Variants in TMEM135 observed in about 807,000 individuals in gnomAD.
TMEM135 encodes transmembrane protein 135, also known as peroxisomal membrane protein 52.
Under a neutral mutation model 60.3 loss-of-function variants are expected in TMEM135, and 30 were observed. The ratio of observed to expected loss-of-function variants is 0.50; its 90% confidence interval spans 0.37 to 0.68. The LOEUF is 0.68. Among genes scored for constraint, TMEM135 ranks in the 30% least tolerant of loss-of-function variants. TMEM135 has a pLI of 0.00. For synonymous variants in TMEM135, 190 were observed against 186.7 expected, an observed-to-expected ratio of 1.02 and a Z score of -0.14; for missense variants, 468 against 548.8, an observed-to-expected ratio of 0.85 and a Z score of 1.47.
intron 6 of TMEM135, among the ~76,000 whole-genome samples, chr11:87,273,775 A>T (rs1021765309): frequency 1.3e-5 from 2 of 152,222 alleles, no homozygotes; most frequent in Non-Finnish European, 2.9e-5. Flanking sequence ...TCTTTATAAT[A>T]AATCTTTTAA....
chr11:87,173,934 ACTTGATGTGTACTACTCAAC>A (rs1464757727), intron 5 of TMEM135, among the ~76,000 whole-genome samples: 1 of 152,134 alleles, frequency 6.6e-6, no homozygotes, highest in African/African-American at 2.4e-5. Flanking sequence ...TTAATCACAA[ACTTGATGTGTACTACTCAAC>A]CAAATTCTGC....
Position 87,166,132 on chromosome 11 carries a change from T to G in TMEM135, c.462+8726T>G, listed in dbSNP as rs563669935. Among the ~76,000 whole-genome samples, 52 of 151,792 alleles carry G rather than the reference T, an allele frequency of 3.4e-4. 1 individual carries two copies. Among genetic ancestry groups the G allele is most frequent in the Non-Finnish European group, 7.1e-4 (48 of 67,978 alleles). Reference sequence around the variant, plus strand: ...CAACCAAATGTCTTCTTTTGAGAAGTGTCTGTTCATGTCCTTTGGCCACTT... The same window carrying G: ...CAACCAAATGTCTTCTTTTGAGAAGGGTCTGTTCATGTCCTTTGGCCACTT... On this transcript the variant is annotated intron_variant, in intron 5 of 14. Coordinates refer to ENST00000305494, the MANE Select transcript of TMEM135 (RefSeq NM_022918.4).
intron 4 of TMEM135, among the ~76,000 whole-genome samples, chr11:87,112,512 C>T (rs548803230): frequency 1.3e-5 from 2 of 152,078 alleles, no homozygotes; most frequent in African/African-American, 4.8e-5. Flanking sequence ...AAAACAGAAG[C>T]GAAGAACGGT....
At chr11:87,123,264 C>G (rs887646013) in intron 4 of TMEM135, among the ~76,000 whole-genome samples, 1 of 115,422 alleles carries the variant, frequency 8.7e-6, no homozygotes, top group Admixed American at 1.0e-4. Flanking sequence ...GTTGGCAGAG[C>G]TATGCTCCTG....
At chr11:87,292,104 C>T (rs150091975) in intron 6 of TMEM135, among the ~76,000 whole-genome samples, 27 of 152,052 alleles carry the variant, frequency 1.8e-4, no homozygotes, top group African/African-American at 6.3e-4. Flanking sequence ...GAAATGCTCT[C>T]CCCTCTACTC....
At chr11:87,038,995 A>G (rs1949728699) in intron 1 of TMEM135, among the ~76,000 whole-genome samples, 1 of 152,168 alleles carries the variant, frequency 6.6e-6, no homozygotes, top group Admixed American at 6.5e-5. Flanking sequence ...AAGATTTATT[A>G]TTACTTTGGC....
chr11:87,146,418 C>T (rs1276948676), intron 4 of TMEM135, among the ~76,000 whole-genome samples: 1 of 152,088 alleles, frequency 6.6e-6, no homozygotes, highest in Non-Finnish European at 1.5e-5. Flanking sequence ...GGGAGTAGTG[C>T]ATCACCATGC....
At chr11:87,188,962 A>AT (rs1939720921) in intron 5 of TMEM135, among the ~76,000 whole-genome samples, 1 of 151,952 alleles carries the variant, frequency 6.6e-6, no homozygotes, top group Non-Finnish European at 1.5e-5. Context: ...TAATTATTCC[A>AT]TAGTATAGTT....
chr11:87,229,976 A>G (rs1940856518), intron 5 of TMEM135, among the ~76,000 whole-genome samples: 1 of 152,048 alleles, frequency 6.6e-6, no homozygotes, highest in African/African-American at 2.4e-5. Context: ...AGTTTAATAT[A>G]TCAGTTTCGT....
intron 5 of TMEM135, among the ~76,000 whole-genome samples, chr11:87,236,159 C>T (rs187939533): frequency 9.3e-4 from 141 of 151,328 alleles, no homozygotes; most frequent in African/African-American, 3.1e-3. Flanking sequence ...ACCCTGTTAC[C>T]CTTCTATCCC....
intron 4 of TMEM135, among the ~76,000 whole-genome samples, chr11:87,138,766 C>T (rs12283210): frequency 0.13 from 19,565 of 152,140 alleles, 1,330 homozygotes; most frequent in Middle Eastern, 0.15. Flanking sequence ...AACACAGGTG[C>T]AAGAGCACTC....
chr11:87,135,174 C>T (rs1938054822), intron 4 of TMEM135, among the ~76,000 whole-genome samples: 1 of 151,706 alleles, frequency 6.6e-6, no homozygotes, highest in Admixed American at 6.6e-5. Flanking sequence ...AATTTTTTTC[C>T]ATACTGTGGC....
chr11:87,110,813 G>T lies in TMEM135; in HGVS notation c.396+19418G>T, dbSNP rs577535124. On this transcript the variant is annotated intron_variant, in intron 4 of 14. Coordinates refer to ENST00000305494, the MANE Select transcript of TMEM135 (RefSeq NM_022918.4). ...GTGATGAATAAATGAATAATTCAGG[G>T]TCAATAAAAAATTGCATACTTTTAA... is the stretch of plus-strand genomic sequence containing the variant. Among the ~76,000 whole-genome samples the T allele has an allele frequency of 5.3e-5, 8 of 152,068 alleles. No homozygotes were observed. In the South Asian group the frequency reaches 1.5e-3, roughly 28 times the overall value.
At chr11:87,292,592 A>T (rs1942285768) in intron 6 of TMEM135, among the ~76,000 whole-genome samples, 1 of 136,574 alleles carries the variant, frequency 7.3e-6, no homozygotes, top group Non-Finnish European at 1.6e-5. Flanking sequence ...TTTCATAGTT[A>T]GGTTAATGCT....
chr11:87,241,242 G>C (rs542589260), intron 6 of TMEM135, among the ~76,000 whole-genome samples: 110 of 152,160 alleles, frequency 7.2e-4, no homozygotes, highest in African/African-American at 2.5e-3. Context: ...TAGTATATTA[G>C]AGATAACTTT....
At chr11:87,278,530 T>C (rs889507179) in intron 6 of TMEM135, among the ~76,000 whole-genome samples, 53 of 152,154 alleles carry the variant, frequency 3.5e-4, no homozygotes, top group African/African-American at 1.1e-3. Flanking sequence ...CACGCCCAGA[T>C]AATTTTTGTA....
chr11:87,166,717 A>T (rs1370152657), intron 5 of TMEM135, among the ~76,000 whole-genome samples: 2 of 151,070 alleles, frequency 1.3e-5, no homozygotes, highest in Non-Finnish European at 2.9e-5. Context: ...GCCTTGTAGT[A>T]TAGTTTGAAG....
At chr11:87,132,756 C>A (rs1591044311) in intron 4 of TMEM135, among the ~76,000 whole-genome samples, 1 of 152,086 alleles carries the variant, frequency 6.6e-6, no homozygotes, top group African/African-American at 2.4e-5. Flanking sequence ...GGATACATCC[C>A]AAGACCCCTA....
At chr11:87,081,570 T>C (rs904446131) in intron 3 of TMEM135, among the ~76,000 whole-genome samples, 1 of 152,114 alleles carries the variant, frequency 6.6e-6, no homozygotes, top group Non-Finnish European at 1.5e-5. Flanking sequence ...GTTACTGATA[T>C]TAAGAGCAAT....
Sources: gnomAD v4.1 joint callset for allele counts (sites outside exome capture counted in the v4.1 genomes callset) on GRCh38, gnomAD v4.1.1 for gene constraint, MANE v1.5 for transcripts, NCBI Gene and HGNC (gene_info 2026-07-23, HGNC 2026-07-21) for gene names.